Variants in ANXA11 observed in about 807,000 individuals in gnomAD.
ANXA11 encodes the protein 56 kDa autoantigen.
Under a neutral mutation model 64.7 loss-of-function variants are expected in ANXA11, and 57 were observed. The ratio of observed to expected loss-of-function variants is 0.88; its 90% confidence interval spans 0.71 to 1.10. The LOEUF (loss-of-function observed/expected upper bound fraction) is 1.10. Ranked by LOEUF, ANXA11 falls within the 50% of genes least tolerant of loss-of-function variation. The probability of loss-of-function intolerance (pLI) is 0.00; values close to 1 mark genes in which losing one functional copy is unlikely to be tolerated. For missense variants in ANXA11, 675 were observed against 670.7 expected (o/e 1.01, Z -0.07); for synonymous variants, 260 against 265.2 (o/e 0.98, Z 0.19).
In ANXA11 at chr10:80,194,016, G is replaced by A. The variant is rs111889799; in HGVS notation, c.-58+11327C>T. Among the ~76,000 whole-genome samples the A allele has an allele frequency of 8.7e-4, 132 of 151,802 alleles. 1 individual carries two copies. Among genetic ancestry groups the A allele is most frequent in the African/African-American group, 3.0e-3 (123 of 41,422 alleles). ...GTATTTTTAGTAGAGACAGGGTTTC[G>A]CCATGTTGACCAGCCTGGTGAACTA... On this transcript the variant is annotated intron_variant, in intron 1 of 15. Coordinates refer to ENST00000422982, the MANE Select transcript of ANXA11 (RefSeq NM_145868.2).
In ANXA11 at chr10:80,167,163, C is replaced by T. The variant is rs912420618; in HGVS notation, c.649+63G>A. ...CCAGCTACCCCAGCCCACAGAGCCA[C>T]AGTGAAACTGCCTGGGAAATAGGGG... On this transcript the variant is annotated intron_variant, in intron 6 of 15. Transcript: ENST00000422982. 6 of 1,542,078 alleles carry T rather than the reference C, an allele frequency of 3.9e-6. No homozygotes were observed. The African/African-American group carries it at 8.2e-5, about 21-fold the overall frequency.
At chr10:80,196,708 C>T (rs568482043) in intron 1 of ANXA11, among the ~76,000 whole-genome samples, 10 of 152,304 alleles carry the variant, frequency 6.6e-5, no homozygotes, top group African/African-American at 2.4e-4. Context: ...GGGCAGCACT[C>T]CACCAACCCT....
At chr10:80,168,878 G>C (rs1048001670) in intron 5 of ANXA11, 91 bp downstream of exon 5, 1 of 1,347,198 alleles carries the variant, frequency 7.4e-7, no homozygotes, top group Non-Finnish European at 9.7e-7. Context: ...GGAGGCCTGC[G>C]CCTTTCCCTG....
intron 2 of ANXA11, 164 bp from the exon 3 acceptor site, chr10:80,173,033 G>A (rs1057278382): frequency 3.2e-6 from 2 of 621,942 alleles, no homozygotes; most frequent in Non-Finnish European, 5.6e-6. Context: ...TCTCCTGCTG[G>A]TGCCTCCAGC....
At chr10:80,184,387 T>A (rs900319247) in intron 1 of ANXA11, among the ~76,000 whole-genome samples, 2 of 152,040 alleles carry the variant, frequency 1.3e-5, no homozygotes, top group Non-Finnish European at 2.9e-5. Flanking sequence ...GGTGCAAGAG[T>A]GACATGCACT....
intron 1 of ANXA11, among the ~76,000 whole-genome samples, chr10:80,188,875 C>T (rs369175538): frequency 1.2e-4 from 19 of 152,098 alleles, no homozygotes; most frequent in Non-Finnish European, 2.2e-4. Context: ...GTCAGGCTCC[C>T]GCCAGGGGAC....
chr10:80,190,562 T>C (rs1174858105), intron 1 of ANXA11, among the ~76,000 whole-genome samples: 1 of 148,234 alleles, frequency 6.7e-6, no homozygotes, highest in African/African-American at 2.5e-5. Flanking sequence ...CTTGGCTCAC[T>C]GCAAGCTCCA....
At position 80,157,941 on chromosome 10, in the gene ANXA11, G is replaced by A. The variant is rs757782267; in HGVS notation, c.1335+26C>T. ...GCACAGGCGAGGCTAAGGTTCCATC[G>A]CAACCTGCACATGGAAGTTACATAC... is the stretch of plus-strand genomic sequence containing the variant. On this transcript the variant is annotated intron_variant, in intron 14 of 15. Coordinates refer to ENST00000422982, the MANE Select transcript of ANXA11 (RefSeq NM_145868.2). 51 of 1,611,622 alleles carry A rather than the reference G, an allele frequency of 3.2e-5. 1 individual carries two copies. The East Asian group carries it at 7.4e-4, about 23-fold the overall frequency.
chr10:80,179,199 C>T (rs1034981941), intron 1 of ANXA11, among the ~76,000 whole-genome samples: 3 of 152,234 alleles, frequency 2.0e-5, no homozygotes, highest in East Asian at 3.9e-4. Context: ...AGCGCCTCCT[C>T]CCCACACCTC....
At position 80,155,200 on chromosome 10, in the gene ANXA11, G is replaced by A. The variant is rs1845232684; in HGVS notation, c.*653C>T. The A allele has an allele frequency of 6.5e-6, 1 of 152,742 alleles. No individual in the cohort carries two copies. Among genetic ancestry groups the A allele is most frequent in the East Asian group, 1.9e-4 (1 of 5,182 alleles). 9.5% of individuals were successfully genotyped at this position (152,742 alleles called of 1,614,324 possible). A position where few individuals can be genotyped will look rare whatever the true frequency, so the allele number is the denominator to read the frequency against. On this transcript the variant is annotated 3_prime_UTR_variant, in exon 16 of 16. Transcript: ENST00000422982. ...TTTGGCTACAGACATTCAGGTTTAA[G>A]GCACATACCACAAATTACAAGAAGC...
chr10:80,168,956 G>A lies in ANXA11; in HGVS notation c.561+13C>T. On this transcript the variant is annotated intron_variant, in intron 5 of 15. Coordinates refer to ENST00000422982, the MANE Select transcript of ANXA11 (RefSeq NM_145868.2). ...CAGGCCTGGACCAAGGGAGGCAGTG[G>A]GCTGACACTCACCTGGGTTGGGGGC... The A allele has an allele frequency of 6.6e-7, 1 of 1,514,896 alleles. No individual in the cohort carries two copies. The highest frequency in any genetic ancestry group is 2.3e-5 in the East Asian group (1 of 42,952). The allele number at this position is 1,514,896 out of a possible 1,614,324, so 93.8% of individuals were successfully genotyped here. A position where few individuals can be genotyped will look rare whatever the true frequency, so the allele number is the denominator to read the frequency against.
At chr10:80,193,713 G>A (rs1312354252) in intron 1 of ANXA11, among the ~76,000 whole-genome samples, 6 of 148,344 alleles carry the variant, frequency 4.0e-5, no homozygotes, top group Non-Finnish European at 5.9e-5. Flanking sequence ...GCGTGGTGGC[G>A]CATGCCTATA....
intron 3 of ANXA11, chr10:80,171,620 G>T (rs1845979873): frequency 1.0e-6 from 1 of 985,316 alleles, no homozygotes; most frequent in Non-Finnish European, 1.2e-6. Context: ...CACCTGCAGG[G>T]CTCAGCTGGG....
chr10:80,195,824 G>C (rs1257493985), intron 1 of ANXA11: 1 of 153,546 alleles, frequency 6.5e-6, no homozygotes, highest in Non-Finnish European at 1.4e-5. Context: ...TTTGTGCAGG[G>C]AAATTTCCCT....
chr10:80,173,132 T>A, intron 2 of ANXA11: 1 of 458,496 alleles, frequency 2.2e-6, no homozygotes, highest in Non-Finnish European at 3.9e-6. Context: ...TCACTCCCCA[T>A]GAGCCAGTTT....
intron 1 of ANXA11, among the ~76,000 whole-genome samples, chr10:80,198,374 A>G (rs974280124): frequency 6.6e-6 from 1 of 152,204 alleles, no homozygotes; most frequent in Non-Finnish European, 1.5e-5. Context: ...ACTGCTTTCC[A>G]GACCCCTAGC....
intron 1 of ANXA11, among the ~76,000 whole-genome samples, chr10:80,202,639 T>C (rs969238932): frequency 6.6e-6 from 1 of 152,042 alleles, no homozygotes; most frequent in African/African-American, 2.4e-5. Context: ...CCAGAGAAAG[T>C]GAAAAGTCTA....
In ANXA11 at chr10:80,155,949, G is replaced by C. The variant is rs867436516; in HGVS notation, c.1459-37C>G. 3 of 1,598,170 alleles carry C rather than the reference G, an allele frequency of 1.9e-6. No individual in the cohort carries two copies. The South Asian group carries it at 3.3e-5, about 18-fold the overall frequency. On this transcript the variant is annotated intron_variant, in intron 15 of 15. Transcript: ENST00000422982. ...AACAAGGAAGACATCCGTTAAGGGA[G>C]GGACAGTCACTTTCAGCCTTCTGGG...
chr10:80,158,159 T>C (rs975436857), intron 13 of ANXA11, 134 bp from the exon 14 acceptor site: 3 of 799,952 alleles, frequency 3.8e-6, no homozygotes, highest in African/African-American at 3.4e-5. Context: ...TCCTCCTCCT[T>C]CTGTTCCAGG....
Sources: gnomAD v4.1 joint callset for allele counts (sites outside exome capture counted in the v4.1 genomes callset) on GRCh38, gnomAD v4.1.1 for gene constraint, MANE v1.5 for transcripts, NCBI Gene and HGNC (gene_info 2026-07-23, HGNC 2026-07-21) for gene names.